DCC: variants seen among roughly 807,000 people sequenced by gnomAD.
The protein encoded by DCC is netrin receptor DCC.
In DCC, 58 loss-of-function variants were observed where a neutral mutation model predicts 172.5. The ratio of observed to expected loss-of-function variants is 0.34; its 90% CI spans 0.27 to 0.42. The LOEUF (loss-of-function observed/expected upper bound fraction) is 0.42, where lower values mean the gene tolerates loss of function less well. DCC is among the 10% of genes least tolerant of loss of function. The probability of loss-of-function intolerance (pLI) is 1.00; values close to 1 mark genes in which losing one functional copy is unlikely to be tolerated. For missense variants in DCC, 1,740 were observed against 1,791.0 expected (o/e 0.97, Z 0.51); for synonymous variants, 709 against 644.5 (o/e 1.10, Z -1.52).
intron 13 of DCC, among the ~76,000 whole-genome samples, chr18:53,313,278 C>A (rs1244720761): frequency 6.6e-6 from 1 of 152,060 alleles, no homozygotes; most frequent in Non-Finnish European, 1.5e-5. Flanking sequence ...CAGAGTCTCG[C>A]TCTGTGGCCC....
intron 21 of DCC, among the ~76,000 whole-genome samples, chr18:53,427,724 A>T (rs1397642763): frequency 7.0e-6 from 1 of 142,744 alleles, no homozygotes; most frequent in Non-Finnish European, 1.5e-5. Context: ...GTTTTTGTCC[A>T]CTCTCCCTTA....
At chr18:53,175,128 C>G (rs547278360) in intron 8 of DCC, among the ~76,000 whole-genome samples, 13 of 152,158 alleles carry the variant, frequency 8.5e-5, no homozygotes, top group South Asian at 2.1e-4. Flanking sequence ...ATTCAAGAAC[C>G]CTTCATGCTA....
intron 15 of DCC, 130 bp downstream of exon 15, chr18:53,340,037 ACTGT>A (rs759568174): frequency 2.1e-4 from 144 of 669,830 alleles, no homozygotes; most frequent in Middle Eastern, 3.6e-4. Flanking sequence ...TCTGAAAGCA[ACTGT>A]CTATCTACAC....
intron 5 of DCC, among the ~76,000 whole-genome samples, chr18:53,025,891 A>AG: frequency 6.6e-6 from 1 of 151,880 alleles, no homozygotes; most frequent in Non-Finnish European, 1.5e-5. Context: ...GAATAAATTA[A>AG]AATGTGGTGT....
At chr18:52,437,951 G>A (rs954030426) in intron 1 of DCC, among the ~76,000 whole-genome samples, 1 of 152,136 alleles carries the variant, frequency 6.6e-6, no homozygotes, top group African/African-American at 2.4e-5. Flanking sequence ...GTATTTAGAT[G>A]CCAAATTTTA....
At chr18:52,955,571 T>A (rs1363505116) in intron 5 of DCC, among the ~76,000 whole-genome samples, 1 of 152,058 alleles carries the variant, frequency 6.6e-6, no homozygotes, top group African/African-American at 2.4e-5. Flanking sequence ...TCAAAGAGCA[T>A]AATTGCTGGA....
chr18:53,047,235 G>GATATATATATAT, intron 5 of DCC, among the ~76,000 whole-genome samples: 1 of 30,302 alleles, frequency 3.3e-5, no homozygotes, highest in Non-Finnish European at 5.7e-5. Flanking sequence ...CTGCAGGTAG[G>GATATATATATAT]ATATATATAT....
chr18:53,372,768 C>A (rs2058072123), intron 15 of DCC, among the ~76,000 whole-genome samples: 1 of 101,938 alleles, frequency 9.8e-6, no homozygotes, highest in African/African-American at 3.0e-5. Context: ...ATCCCAATTC[C>A]ACGGCCTTCC....
intron 2 of DCC, among the ~76,000 whole-genome samples, chr18:52,758,223 T>A (rs1397579084): frequency 6.6e-6 from 1 of 152,184 alleles, no homozygotes; most frequent in African/African-American, 2.4e-5. Flanking sequence ...ATATAATTTT[T>A]AAAATAAGCT....
chr18:53,306,909 G>A (rs1352802672), intron 13 of DCC, among the ~76,000 whole-genome samples: 1 of 152,152 alleles, frequency 6.6e-6, no homozygotes, highest in Admixed American at 6.5e-5. Context: ...AAACCATAAA[G>A]CACATGACTT....
chr18:52,868,961 G>T (rs1296909370), intron 2 of DCC, among the ~76,000 whole-genome samples: 8 of 152,202 alleles, frequency 5.3e-5, no homozygotes, highest in African/African-American at 1.9e-4. Flanking sequence ...TCCCCAGCTG[G>T]CACTGGGGAA....
intron 1 of DCC, among the ~76,000 whole-genome samples, chr18:52,667,610 G>T (rs1210615779): frequency 1.3e-5 from 2 of 152,100 alleles, no homozygotes; most frequent in African/African-American, 2.4e-5. Flanking sequence ...TTAGAAACAC[G>T]ATCTACTAAT....
intron 1 of DCC, among the ~76,000 whole-genome samples, chr18:52,702,128 A>G (rs949570457): frequency 6.6e-6 from 1 of 152,176 alleles, no homozygotes; most frequent in African/African-American, 2.4e-5. Flanking sequence ...CAACTATGAA[A>G]TGTTTCATAC....
chr18:53,481,689 T>G (rs1425681724), intron 25 of DCC, among the ~76,000 whole-genome samples: 1 of 152,206 alleles, frequency 6.6e-6, no homozygotes, highest in African/African-American at 2.4e-5. Context: ...TCAAGTACCA[T>G]GTTGAGAAAT....
intron 2 of DCC, among the ~76,000 whole-genome samples, chr18:52,843,510 G>T (rs746209954): frequency 1.3e-5 from 2 of 152,026 alleles, no homozygotes; most frequent in Non-Finnish European, 2.9e-5. Context: ...AAAAAGTACT[G>T]CATTGTAAAG....
intron 7 of DCC, among the ~76,000 whole-genome samples, chr18:53,095,600 A>G (rs2043074528): frequency 6.6e-6 from 1 of 152,090 alleles, no homozygotes; most frequent in African/African-American, 2.4e-5. Flanking sequence ...ATATTCCTTC[A>G]AACTCCTGCT....
At chr18:52,383,659 T>C (rs1985679203) in intron 1 of DCC, among the ~76,000 whole-genome samples, 1 of 152,072 alleles carries the variant, frequency 6.6e-6, no homozygotes, top group Admixed American at 6.6e-5. Context: ...CATTCATGAA[T>C]TATTCAGATG....
intron 1 of DCC, among the ~76,000 whole-genome samples, chr18:52,366,984 A>C (rs537971466): frequency 1.3e-5 from 2 of 152,298 alleles, no homozygotes; most frequent in East Asian, 3.9e-4. Context: ...CTCGGGCCGC[A>C]CAGGAGCCCA....
intron 2 of DCC, among the ~76,000 whole-genome samples, chr18:52,771,733 T>A (rs28700210): frequency 6.6e-6 from 1 of 152,056 alleles, no homozygotes; most frequent in Non-Finnish European, 1.5e-5. Context: ...AAAGGCCAAG[T>A]AGCACTGAAA....
Sources: allele counts gnomAD v4.1 joint callset (sites outside exome capture counted in the v4.1 genomes callset), GRCh38; gene constraint gnomAD v4.1.1; transcripts MANE v1.5; gene names NCBI Gene and HGNC (gene_info 2026-07-23, HGNC 2026-07-21).